Variants in CEL observed in about 807,000 individuals in gnomAD.
CEL encodes the protein bile salt-activated lipase.
In CEL, 39 loss-of-function variants were observed where a neutral mutation model predicts 57.1. The ratio of observed to expected loss-of-function variants is 0.68; its 90% CI spans 0.53 to 0.89. The LOEUF (loss-of-function observed/expected upper bound fraction) is 0.89. Ranked by LOEUF, CEL falls within the 40% of genes least tolerant of loss-of-function variation. The probability of loss-of-function intolerance (pLI) is 0.00; values close to 1 mark genes in which losing one functional copy is unlikely to be tolerated. For synonymous variants in CEL, 314 were observed against 396.6 expected (o/e 0.79, Z 2.48); for missense variants, 698 against 915.0 (o/e 0.76, Z 3.06).
chr9:133,064,466 G>C lies in CEL; in HGVS notation c.129G>C (p.Leu43=). 1 of 1,614,158 alleles carries C rather than the reference G, an allele frequency of 6.2e-7. No individual in the cohort carries two copies. The highest frequency in any genetic ancestry group is 8.5e-7 in the Non-Finnish European group (1 of 1,180,016). ...VEGVNKKLGL[L]GDSVDIFKGI... is the part of the protein sequence containing the mutation. ...GCGTCAATAAGAAGCTCGGCCTCCTGGGTGACTCTGTGGACATCTTCAAGG... is the reference window on the plus strand; with the variant it reads ...GCGTCAATAAGAAGCTCGGCCTCCTCGGTGACTCTGTGGACATCTTCAAGG... Residue 43 remains leucine, a synonymous_variant, in exon 2 of 11, where the codon CTG becomes CTC. Transcript: ENST00000372080.
Position 133,065,032 on chromosome 9 carries a change from C to A in CEL, c.341-8C>A. 6.2e-7 allele frequency: 1 copy of A among 1,612,730 alleles called. No individual in the cohort carries two copies. The highest frequency in any genetic ancestry group is 1.3e-5 in the African/African-American group (1 of 75,044). On this transcript the variant is annotated splice_region_variant and splice_polypyrimidine_tract_variant and intron_variant, in intron 3 of 10. Transcript: ENST00000372080. ...CGTCTGGGGTCACCAGCCGCTCCCC[C>A]ATCTCAGTCTCCCGGGACCTGCCCG...
intron 7 of CEL, 139 bp downstream of exon 7, chr9:133,067,344 C>G (rs187489195): frequency 1.3e-6 from 1 of 783,008 alleles, no homozygotes; most frequent in African/African-American, 1.7e-5. Flanking sequence ...TGTCTCCCCT[C>G]GAAGGCCCCA....
rs771241431 is a variant in CEL, at chr9:133,064,426, G to A, written c.89G>A (p.Gly30Asp). The change falls in exon 2 of 11, where the codon GGT becomes GAT. Residue 30 changes from glycine (G) to aspartate (D), a missense_variant. By Grantham distance (94) the Gly-to-Asp change is moderately conservative (BLOSUM62 -1). Transcript: ENST00000372080. ...AAKLGAVYTE[G>D]GFVEGVNKKL... Reference sequence around the variant, plus strand: ...CAGCTGGGCGCCGTGTACACAGAAGGTGGGTTCGTGGAAGGCGTCAATAAG... The same window carrying A: ...CAGCTGGGCGCCGTGTACACAGAAGATGGGTTCGTGGAAGGCGTCAATAAG... The A allele has an allele frequency of 1.2e-5, 20 of 1,614,006 alleles. No homozygotes were observed. In the South Asian group the frequency reaches 1.8e-4, roughly 14 times the overall value.
intron 10 of CEL, 69 bp from the exon 11 acceptor site, chr9:133,070,918 C>A: frequency 1.9e-6 from 3 of 1,566,330 alleles, no homozygotes; most frequent in Non-Finnish European, 2.6e-6. Flanking sequence ...CTCAGGCGTG[C>A]AGGTGGAGAG....
chr9:133,068,621 G>C (rs549268312), intron 7 of CEL, 51 bp from the exon 8 acceptor site: 3 of 1,613,300 alleles, frequency 1.9e-6, no homozygotes, highest in African/African-American at 1.3e-5. Context: ...GGCGGCTCAG[G>C]GGAAACTGGG....
chr9:133,067,964 G>C (rs1368671250), intron 7 of CEL, among the ~76,000 whole-genome samples: 1 of 152,218 alleles, frequency 6.6e-6, no homozygotes, highest in African/African-American at 2.4e-5. Context: ...CTGCATGTCA[G>C]CCTTACCAGC....
At chr9:133,065,942 C>G (rs1295321135) in intron 4 of CEL, among the ~76,000 whole-genome samples, 2 of 152,004 alleles carry the variant, frequency 1.3e-5, no homozygotes, top group African/African-American at 4.8e-5. Context: ...CGCTTGAGCC[C>G]AGGGGTTCAA....
chr9:133,068,592 C>T, intron 7 of CEL, 80 bp from the exon 8 acceptor site: 2 of 1,600,738 alleles, frequency 1.2e-6, no homozygotes, highest in African/African-American at 1.3e-5. Flanking sequence ...ATAGCCAATT[C>T]CAGCCCTGAG....
chr9:133,071,276 C>A lies in CEL; in HGVS notation c.1774C>A (p.Pro592Thr). Residue 592 changes from proline to threonine, a missense_variant, in exon 11 of 11, where the codon CCC (proline) becomes ACC (threonine). Pro to Thr is a conservative substitution (Grantham distance 38). This residue lies in a region of CEL where 238 missense variants were observed against 213.7 expected (regional missense o/e 1.11). Coordinates refer to ENST00000372080, the MANE Select transcript of CEL (RefSeq NM_001807.6). The stretch of plus-strand genomic sequence containing the variant: ...GCCCACGGGTGACTCCGGGGCCCCC[C>A]CCGTGCCGCCCACGGGTGACTCCGG... ...VPPTGDSGAP[P>T]VPPTGDSGAP... The A allele has an allele frequency of 2.0e-6, 3 of 1,466,760 alleles. No homozygotes were observed. The highest frequency in any genetic ancestry group is 9.2e-7 in the Non-Finnish European group (1 of 1,092,428). The allele number at this position is 1,466,760 out of a possible 1,614,324, so 90.9% of individuals were successfully genotyped here.
intron 10 of CEL, 79 bp downstream of exon 10, chr9:133,070,737 G>A: frequency 4.4e-6 from 7 of 1,587,272 alleles, no homozygotes; most frequent in South Asian, 2.2e-5. Flanking sequence ...TCCCTCATTT[G>A]CCAGTGGAGG....
At position 133,065,028 on chromosome 9, in the gene CEL, C is replaced by T; in HGVS notation, c.341-12C>T. The T allele has an allele frequency of 6.8e-6, 11 of 1,612,254 alleles. No individual in the cohort carries two copies. The highest frequency in any genetic ancestry group is 9.3e-6 in the Non-Finnish European group (11 of 1,179,792). On this transcript the variant is annotated splice_polypyrimidine_tract_variant and intron_variant, in intron 3 of 10. Transcript: ENST00000372080. ...GGGGCGTCTGGGGTCACCAGCCGCTCCCCCATCTCAGTCTCCCGGGACCTG... is the reference window on the plus strand; with the variant it reads ...GGGGCGTCTGGGGTCACCAGCCGCTTCCCCATCTCAGTCTCCCGGGACCTG...
intron 7 of CEL, 87 bp downstream of exon 7, chr9:133,067,292 A>G (rs1830196524): frequency 8.1e-7 from 1 of 1,232,088 alleles, no homozygotes. Flanking sequence ...GGAGAGAGGA[A>G]GGTGCCAGAG....
rs188330775 is a variant in CEL at position 133,066,281 on chromosome 9, C to T, written c.539-249C>T. Among the ~76,000 whole-genome samples the T allele has an allele frequency of 6.4e-4, 97 of 151,928 alleles. No individual in the cohort carries two copies. Among genetic ancestry groups the T allele is most frequent in the African/African-American group, 2.1e-3 (86 of 41,336 alleles). On this transcript the variant is annotated intron_variant, in intron 4 of 10. Coordinates refer to ENST00000372080, the MANE Select transcript of CEL (RefSeq NM_001807.6). This position sits in a 1 kb window ranked among gnomAD's most constrained non-coding sequence, Gnocchi z 4.3. ...CCTGGGGACCCACCCCATACAGCAC[C>T]GCACCCGACTCAGCCTCCTGGGGAC...
In CEL at chr9:133,066,967, T is replaced by TGGGGGGGGGG; in HGVS notation, c.777+25_777+26insGGGGGGGGGG. ...AAAGGTAAACGGAGGAGGGCAGGGCTGGGCGGGGTGGGGGCTGTCCACATT... is the reference window on the plus strand; with the variant it reads ...AAAGGTAAACGGAGGAGGGCAGGGCTGGGGGGGGGGGGGCGGGGTGGGGGCTGTCCACATT... On this transcript the variant is annotated intron_variant, in intron 6 of 10. Transcript: ENST00000372080. This position sits in a 1 kb window ranked among gnomAD's most constrained non-coding sequence, Gnocchi z 4.3. 2.2e-6 allele frequency: 1 copy of TGGGGGGGGGG among 464,376 alleles called. No individual in the cohort carries two copies. The highest frequency in any genetic ancestry group is 4.2e-6 in the Non-Finnish European group (1 of 240,328). 28.8% of individuals were successfully genotyped at this position (464,376 alleles called of 1,614,324 possible).
At chr9:133,064,855 C>G (rs1830149733) in intron 3 of CEL, 93 bp downstream of exon 3, 1 of 1,595,238 alleles carries the variant, frequency 6.3e-7, no homozygotes, top group South Asian at 1.1e-5. Context: ...CAAAGCTGAA[C>G]TTCCATGAAA....
In CEL at chr9:133,067,920, C is replaced by T. The variant is rs551582748; in HGVS notation, c.895+715C>T. On this transcript the variant is annotated intron_variant, in intron 7 of 10. Coordinates refer to ENST00000372080, the MANE Select transcript of CEL (RefSeq NM_001807.6). The stretch of plus-strand genomic sequence containing the variant: ...CCTCCAGCTCCACTATTCTGTACCC[C>T]GGGAAGGCCTGGGGACCCATTCCAC... Among the ~76,000 whole-genome samples, 184 of 152,298 alleles carry T rather than the reference C, an allele frequency of 1.2e-3. 2 individuals carry two copies. The highest frequency in any genetic ancestry group is 4.2e-3 in the African/African-American group (175 of 41,542).
intron 9 of CEL, among the ~76,000 whole-genome samples, chr9:133,069,990 T>A (rs1830236827): frequency 6.6e-6 from 1 of 151,648 alleles, no homozygotes; most frequent in Non-Finnish European, 1.5e-5. Context: ...AGTAAATAAA[T>A]AATAAAAATA....
intron 7 of CEL, among the ~76,000 whole-genome samples, chr9:133,068,012 G>A (rs781689496): frequency 6.6e-6 from 1 of 152,158 alleles, no homozygotes; most frequent in African/African-American, 2.4e-5. Flanking sequence ...ATTCTTCTAT[G>A]GCAACATGCC....
chr9:133,064,378 T>C (rs1830139666), intron 1 of CEL, 26 bp from the exon 2 acceptor site: 1 of 1,609,030 alleles, frequency 6.2e-7, no homozygotes, highest in South Asian at 1.1e-5. Flanking sequence ...TGAGCCCCCC[T>C]GACCCTGCCC....
Sources: allele counts gnomAD v4.1 joint callset (sites outside exome capture counted in the v4.1 genomes callset), GRCh38; gene constraint gnomAD v4.1.1; regional missense constraint gnomAD v4.1.1; non-coding constraint Gnocchi (gnomAD v3.1); transcripts MANE v1.5; gene names NCBI Gene and HGNC (gene_info 2026-07-23, HGNC 2026-07-21).